The following MEMO1 variants were observed in gnomAD, a reference collection of about 807,000 sequenced individuals.
MEMO1 encodes the protein mediator of cell motility 1.
MEMO1 carries 6 observed loss-of-function variants against 45.2 expected under a neutral mutation model. That is an observed-to-expected ratio of 0.13 (90% CI 0.07 to 0.26). The LOEUF (loss-of-function observed/expected upper bound fraction) is 0.26. Among genes scored for constraint, MEMO1 ranks in the 10% least tolerant of loss-of-function variants. The pLI is 1.00. For missense variants in MEMO1, 184 were observed against 370.5 expected (o/e 0.50, Z 4.13); for synonymous variants, 78 against 124.3 (o/e 0.63, Z 2.48).
intron 2 of MEMO1, among the ~76,000 whole-genome samples, chr2:31,991,485 C>T (rs1482541069): frequency 1.3e-5 from 2 of 150,812 alleles, no homozygotes; most frequent in South Asian, 2.1e-4. Flanking sequence ...GCAGGAGAAT[C>T]GCTTGAACCT....
At chr2:31,968,112 T>C (rs1429846847) in intron 2 of MEMO1, among the ~76,000 whole-genome samples, 5 of 152,156 alleles carry the variant, frequency 3.3e-5, no homozygotes, top group Non-Finnish European at 7.4e-5. Flanking sequence ...CCAAATAGAA[T>C]AGAATTAGCT....
chr2:31,898,356 G>A (rs893329748), intron 6 of MEMO1, among the ~76,000 whole-genome samples: 1 of 152,118 alleles, frequency 6.6e-6, no homozygotes, highest in African/African-American at 2.4e-5. Context: ...GGCATTTAGT[G>A]CTATAAATTT....
At chr2:31,914,782 C>T (rs1006314372) in intron 6 of MEMO1, among the ~76,000 whole-genome samples, 4 of 150,774 alleles carry the variant, frequency 2.7e-5, no homozygotes, top group African/African-American at 7.3e-5. Context: ...AGTAAGCTCC[C>T]GTCTCTTAAA....
intron 3 of MEMO1, 49 bp from the exon 4 acceptor site, chr2:31,932,184 A>T: frequency 2.6e-6 from 4 of 1,521,012 alleles, no homozygotes; most frequent in Non-Finnish European, 3.6e-6. Flanking sequence ...CAAAATCAAG[A>T]TATTCTAGAA....
At chr2:31,970,347 G>C (rs1012253847) in intron 2 of MEMO1, among the ~76,000 whole-genome samples, 1 of 152,082 alleles carries the variant, frequency 6.6e-6, no homozygotes, top group African/African-American at 2.4e-5. Context: ...TTTTACGTTT[G>C]CTACAGTAAT....
intron 2 of MEMO1, among the ~76,000 whole-genome samples, chr2:31,949,238 G>A (rs946627829): frequency 1.3e-5 from 2 of 152,136 alleles, no homozygotes; most frequent in African/African-American, 4.8e-5. Flanking sequence ...GCTACCATAG[G>A]ATCCAGCAAT....
chr2:31,922,343 G>GAAAAA (rs748280495), intron 4 of MEMO1, among the ~76,000 whole-genome samples: 1 of 118,692 alleles, frequency 8.4e-6, no homozygotes. Context: ...GTTCTGCTAT[G>GAAAAA]AAAAAAAAAA....
At chr2:31,918,157 T>C in intron 5 of MEMO1, 120 bp from the exon 6 acceptor site, 1 of 496,434 alleles carries the variant, frequency 2.0e-6, no homozygotes, top group South Asian at 4.9e-5. Context: ...CACCATATAA[T>C]ATTCTCATTT....
intron 3 of MEMO1, among the ~76,000 whole-genome samples, chr2:31,934,321 G>A (rs1421165971): frequency 2.0e-5 from 3 of 152,038 alleles, no homozygotes; most frequent in Non-Finnish European, 2.9e-5. Context: ...AAATCAACCT[G>A]TCTTTCTAGT....
Position 32,001,032 on chromosome 2 carries a change from ATT to A in MEMO1, c.61+9153_61+9154del, listed in dbSNP as rs66617379. Among the ~76,000 whole-genome samples the A allele has an allele frequency of 2.7e-3, 285 of 104,502 alleles. 1 individual carries two copies. Among genetic ancestry groups the A allele is most frequent in the African/African-American group, 8.7e-3 (236 of 27,024 alleles). 68.6% of individuals were successfully genotyped at this position (104,502 alleles called of 152,430 possible). ...CTCTTCAGAAGTGCCATAAATTTTG[ATT>A]TTTTTTTTTTTTTTTTTTTTTGAGA... On this transcript the variant is annotated intron_variant, in intron 2 of 9. Transcript: ENST00000404530.
At chr2:31,964,099 T>C (rs1006447332) in intron 2 of MEMO1, among the ~76,000 whole-genome samples, 1 of 152,202 alleles carries the variant, frequency 6.6e-6, no homozygotes, top group Non-Finnish European at 1.5e-5. Context: ...GCTTACGTTA[T>C]ATTAGACAGG....
intron 2 of MEMO1, among the ~76,000 whole-genome samples, chr2:32,001,866 G>A (rs1421422180): frequency 2.0e-5 from 3 of 151,774 alleles, no homozygotes; most frequent in East Asian, 1.9e-4. Flanking sequence ...AAAAATATAT[G>A]GCCAGGCGTG....
chr2:31,980,846 G>C (rs989341437), intron 2 of MEMO1, among the ~76,000 whole-genome samples: 1 of 152,154 alleles, frequency 6.6e-6, no homozygotes. Context: ...GTAGTACCAA[G>C]CATGGTAATA....
intron 3 of MEMO1, among the ~76,000 whole-genome samples, chr2:31,937,968 G>GC (rs1435871091): frequency 6.6e-6 from 1 of 152,122 alleles, no homozygotes; most frequent in Non-Finnish European, 1.5e-5. Context: ...ATGTAGAAAG[G>GC]CATTTCAGAC....
intron 8 of MEMO1, among the ~76,000 whole-genome samples, chr2:31,874,380 A>C (rs1206950596): frequency 6.6e-6 from 1 of 152,114 alleles, no homozygotes; most frequent in Non-Finnish European, 1.5e-5. Context: ...CAGAGTTTAG[A>C]TATCCTATGC....
At chr2:31,960,159 T>C (rs1269345681) in intron 2 of MEMO1, among the ~76,000 whole-genome samples, 4 of 150,832 alleles carry the variant, frequency 2.7e-5, no homozygotes, top group Admixed American at 6.6e-5. Flanking sequence ...ATCACGCCAC[T>C]GCACTGCAGC....
At chr2:31,993,656 G>A (rs1210216884) in intron 2 of MEMO1, among the ~76,000 whole-genome samples, 1 of 152,156 alleles carries the variant, frequency 6.6e-6, no homozygotes, top group Non-Finnish European at 1.5e-5. Context: ...CACGCACAGG[G>A]TAAAACTCCA....
At chr2:31,914,472 T>C (rs756218719) in intron 6 of MEMO1, among the ~76,000 whole-genome samples, 1 of 152,150 alleles carries the variant, frequency 6.6e-6, no homozygotes, top group Non-Finnish European at 1.5e-5. Context: ...TTGTACATTT[T>C]TAAGTAACTA....
At chr2:32,006,964 CAAAA>C (rs67557055) in intron 2 of MEMO1, among the ~76,000 whole-genome samples, 3,333 of 75,926 alleles carry the variant, frequency 0.044, 59 homozygotes, top group African/African-American at 0.12. Context: ...GATTCCATCT[CAAAA>C]AAAAAAAAAA....
Sources: gnomAD v4.1 joint callset for allele counts (sites outside exome capture counted in the v4.1 genomes callset) on GRCh38, gnomAD v4.1.1 for gene constraint, MANE v1.5 for transcripts, NCBI Gene and HGNC (gene_info 2026-07-23, HGNC 2026-07-21) for gene names.